Variants in FBXL2 observed in about 807,000 individuals in gnomAD.
The protein encoded by FBXL2 is F-box and leucine rich repeat protein 2.
FBXL2 carries 38 observed loss-of-function variants against 69.2 expected under a neutral mutation model. The ratio of observed to expected loss-of-function variants is 0.55; its 90% CI spans 0.42 to 0.72. FBXL2 has a LOEUF of 0.72. Among genes scored for constraint, FBXL2 ranks in the 30% least tolerant of loss-of-function variants. The probability of loss-of-function intolerance (pLI) is 0.00; values close to 1 mark genes in which losing one functional copy is unlikely to be tolerated. For synonymous variants in FBXL2, 192 were observed against 201.3 expected, an observed-to-expected ratio of 0.95 and a Z score of 0.39; for missense variants, 354 against 520.3, an observed-to-expected ratio of 0.68 and a Z score of 3.11.
chr3:33,401,081 A>G (rs1388837605), intron 12 of FBXL2: 11 of 1,450,382 alleles, frequency 7.6e-6, no homozygotes, highest in East Asian at 2.5e-5. Flanking sequence ...TAATCAAGGC[A>G]TTAAAAGCTG....
chr3:33,335,378 T>C (rs1440215943), intron 2 of FBXL2, among the ~76,000 whole-genome samples: 1 of 152,136 alleles, frequency 6.6e-6, no homozygotes, highest in Non-Finnish European at 1.5e-5. Flanking sequence ...TTACCTCTTT[T>C]TAAAAGTCCT....
intron 4 of FBXL2, among the ~76,000 whole-genome samples, chr3:33,361,996 C>T (rs180994301): frequency 6.6e-6 from 1 of 152,292 alleles, no homozygotes; most frequent in Admixed American, 6.5e-5. Context: ...TGTTGTGTGC[C>T]TGACACTGTT....
intron 1 of FBXL2, among the ~76,000 whole-genome samples, chr3:33,283,627 G>A (rs929326886): frequency 1.3e-5 from 2 of 152,046 alleles, no homozygotes; most frequent in Non-Finnish European, 2.9e-5. Context: ...GGAATGGTAC[G>A]AGCTCCTCTT....
chr3:33,413,817 C>T, the FBXL2 span, among the ~76,000 whole-genome samples: 20 of 152,158 alleles, frequency 1.3e-4, no homozygotes, highest in Admixed American at 2.6e-4. Flanking sequence ...AATTACCCAG[C>T]ACCCACTTCA....
intron 1 of FBXL2, among the ~76,000 whole-genome samples, chr3:33,282,056 T>A (rs1373747354): frequency 1.3e-5 from 2 of 152,220 alleles, no homozygotes; most frequent in Non-Finnish European, 2.9e-5. Flanking sequence ...TTTAATTAGA[T>A]CCCATTTGTC....
chr3:33,296,268 G>A (rs375460898), intron 1 of FBXL2, among the ~76,000 whole-genome samples: 3 of 152,244 alleles, frequency 2.0e-5, no homozygotes, highest in East Asian at 3.9e-4. Flanking sequence ...GTTTCACCAT[G>A]TTGGCCAGGC....
At chr3:33,381,372 C>T (rs113424306) in intron 13 of FBXL2, among the ~76,000 whole-genome samples, 19 of 152,208 alleles carry the variant, frequency 1.2e-4, no homozygotes, top group South Asian at 4.1e-4. Context: ...TGGCTGGGCA[C>T]GGTGGCTCAC....
chr3:33,412,937 A>C, the FBXL2 span: 1 of 679,706 alleles, frequency 1.5e-6, no homozygotes, highest in Non-Finnish European at 2.6e-6. Flanking sequence ...ATACAACTAG[A>C]TTCTGTTTTA....
the FBXL2 span, among the ~76,000 whole-genome samples, chr3:33,411,882 A>G: frequency 2.0e-5 from 3 of 149,736 alleles, no homozygotes; most frequent in Non-Finnish European, 4.5e-5. Context: ...CATGGTTTGT[A>G]TTTCATTTTT....
the FBXL2 span, chr3:33,411,711 T>C: frequency 1.9e-6 from 3 of 1,578,042 alleles, no homozygotes. Flanking sequence ...AGAAGTTACA[T>C]AAAAACATCC....
At chr3:33,412,205 AAGAT>A in the FBXL2 span, among the ~76,000 whole-genome samples, 2 of 151,502 alleles carry the variant, frequency 1.3e-5, no homozygotes, top group Non-Finnish European at 2.9e-5. Flanking sequence ...AAAAAAAAAA[AAGAT>A]AGATGGTTTA....
chr3:33,329,418 A>G (rs925363841), intron 2 of FBXL2, among the ~76,000 whole-genome samples: 3 of 152,222 alleles, frequency 2.0e-5, no homozygotes, highest in Admixed American at 6.5e-5. Context: ...ACCACTGGAT[A>G]TATATCCGAA....
At chr3:33,393,462 T>TAAA in intron 12 of FBXL2, 5 of 1,345,620 alleles carry the variant, frequency 3.7e-6, no homozygotes, top group Non-Finnish European at 5.1e-6. Flanking sequence ...AAACTGAAAT[T>TAAA]AAAAAAAAAA....
chr3:33,297,006 A>G (rs1287870820), intron 1 of FBXL2, among the ~76,000 whole-genome samples: 1 of 152,162 alleles, frequency 6.6e-6, no homozygotes, highest in South Asian at 2.1e-4. Context: ...TAACACTAGT[A>G]AGTCTTTCAG....
chr3:33,365,750 CA>C (rs2041916306), intron 5 of FBXL2, among the ~76,000 whole-genome samples: 1 of 111,320 alleles, frequency 9.0e-6, no homozygotes, highest in Non-Finnish European at 1.9e-5. Context: ...AACAAACAAA[CA>C]AACCAACAAC....
intron 2 of FBXL2, among the ~76,000 whole-genome samples, chr3:33,334,711 C>A (rs946363038): frequency 2.6e-5 from 4 of 152,028 alleles, no homozygotes; most frequent in African/African-American, 9.7e-5. Flanking sequence ...ATATGAAACA[C>A]CTATGCACAC....
chr3:33,399,165 T>C (rs2044124782), intron 12 of FBXL2, among the ~76,000 whole-genome samples: 1 of 152,250 alleles, frequency 6.6e-6, no homozygotes, highest in African/African-American at 2.4e-5. Flanking sequence ...GGTGAAGGAA[T>C]GCTAACTACC....
intron 5 of FBXL2, among the ~76,000 whole-genome samples, chr3:33,365,276 A>G (rs2041878188): frequency 7.4e-6 from 1 of 135,274 alleles, no homozygotes; most frequent in Admixed American, 8.2e-5. Flanking sequence ...GCCATTATTT[A>G]TTGGGGTTTT....
At chr3:33,308,890 T>A (rs12630084) in intron 2 of FBXL2, among the ~76,000 whole-genome samples, 18,929 of 152,220 alleles carry the variant, frequency 0.12, 1,713 homozygotes, top group East Asian at 0.42. Context: ...TTTTAGAAAT[T>A]CTTCTTTTTA....
Sources: gnomAD v4.1 joint callset for allele counts (sites outside exome capture counted in the v4.1 genomes callset) on GRCh38, gnomAD v4.1.1 for gene constraint, MANE v1.5 for transcripts, NCBI Gene and HGNC (gene_info 2026-07-23, HGNC 2026-07-21) for gene names.